Variants in GRM7 observed in about 807,000 individuals in gnomAD.
The protein encoded by GRM7 is glutamate metabotropic receptor 7, also known as metabotropic glutamate receptor 7.
In GRM7, 35 loss-of-function variants were observed where a neutral mutation model predicts 84.5. That is an observed-to-expected ratio of 0.41 (90% confidence interval 0.32 to 0.55). The LOEUF (loss-of-function observed/expected upper bound fraction) is 0.55. GRM7 is among the 20% of genes least tolerant of loss of function. The probability of loss-of-function intolerance (pLI) is 0.19; values close to 1 mark genes in which losing one functional copy is unlikely to be tolerated. For missense variants in GRM7, 1,003 were observed against 1,194.6 expected (o/e 0.84, Z 2.36); for synonymous variants, 487 against 455.1 (o/e 1.07, Z -0.89).
At chr3:7,401,597 GA>G (rs536041959) in intron 4 of GRM7, among the ~76,000 whole-genome samples, 2,836 of 149,628 alleles carry the variant, frequency 0.019, 83 homozygotes, top group African/African-American at 0.065. Flanking sequence ...AAAAAACTTT[GA>G]AAAAAAAATA....
At chr3:7,157,897 G>A (rs1225361474) in intron 2 of GRM7, among the ~76,000 whole-genome samples, 6 of 152,074 alleles carry the variant, frequency 3.9e-5, no homozygotes, top group African/African-American at 7.2e-5. Flanking sequence ...AAGCCCAGGA[G>A]AGCCAGGACT....
intron 2 of GRM7, among the ~76,000 whole-genome samples, chr3:7,203,961 G>A (rs1340002070): frequency 1.3e-5 from 2 of 152,148 alleles, no homozygotes; most frequent in African/African-American, 4.8e-5. Flanking sequence ...TCAGTTATAT[G>A]GGAACAGGTT....
intron 1 of GRM7, among the ~76,000 whole-genome samples, chr3:7,057,078 G>A (rs1196273752): frequency 1.3e-5 from 2 of 151,894 alleles, no homozygotes. Context: ...AATTAAATTA[G>A]GTTCATTTCA....
At chr3:7,602,321 CCTG>C (rs1346812728) in intron 8 of GRM7, among the ~76,000 whole-genome samples, 5 of 152,060 alleles carry the variant, frequency 3.3e-5, no homozygotes, top group African/African-American at 1.2e-4. Context: ...GGTTTTACAA[CCTG>C]TGAAATAAAG....
rs115684598 is a variant in GRM7 at position 7,148,684 on chromosome 3, G to A, written c.736+2016G>A. ...ATCTGAGTTTGCTATTATATATAAT[G>A]ACTCTTCAAAAAGGAGATGCTCTTA... On this transcript the variant is annotated intron_variant, in intron 2 of 9. Transcript: ENST00000357716. Among the ~76,000 whole-genome samples the A allele has an allele frequency of 8.0e-3, 1,212 of 152,180 alleles. 12 individuals are homozygous for A. The highest frequency in any genetic ancestry group is 0.027 in the African/African-American group (1,115 of 41,520).
chr3:7,382,804 C>A (rs542566794), intron 4 of GRM7, among the ~76,000 whole-genome samples: 1 of 152,284 alleles, frequency 6.6e-6, no homozygotes, highest in South Asian at 2.1e-4. Context: ...AGGAAGCAGA[C>A]CTTGGAGATG....
intron 2 of GRM7, among the ~76,000 whole-genome samples, chr3:7,217,772 A>G (rs1261968869): frequency 6.6e-6 from 1 of 150,860 alleles, no homozygotes; most frequent in South Asian, 2.1e-4. Flanking sequence ...ACACTGAAAG[A>G]TAACCATTGT....
chr3:7,359,224 G>GTT (rs1693554485), intron 4 of GRM7, among the ~76,000 whole-genome samples: 1 of 129,858 alleles, frequency 7.7e-6, no homozygotes, highest in African/African-American at 3.3e-5. Context: ...TTGTGTTTGT[G>GTT]TGTGTGTGTG....
In GRM7 at chr3:6,862,722, TC is replaced by T; in HGVS notation, c.519+822del. The T allele has an allele frequency of 1.2e-5, 3 of 241,372 alleles. No individual in the cohort carries two copies. The highest frequency in any genetic ancestry group is 1.4e-4 in the East Asian group (1 of 6,898). 15.0% of individuals were successfully genotyped at this position (241,372 alleles called of 1,614,324 possible). A position where few individuals can be genotyped will look rare whatever the true frequency, so the allele number is the denominator to read the frequency against. On this transcript the variant is annotated intron_variant, in intron 1 of 9. Coordinates refer to ENST00000357716, the MANE Select transcript of GRM7 (RefSeq NM_000844.4). The surrounding 1 kb of genome is among the most constrained non-coding windows in gnomAD (Gnocchi z 5.2). ...ATCGCTCTCCCTGCCTCCTCCCTCCTCCCCCCCGCCCCCCTCACCCACTATC... is the reference window on the plus strand; with the variant it reads ...ATCGCTCTCCCTGCCTCCTCCCTCCTCCCCCCGCCCCCCTCACCCACTATC...
Position 7,100,003 on chromosome 3 carries a change from C to T in GRM7, c.520-46449C>T, listed in dbSNP as rs190704321. ...TTGCATATGTACATATATAATTGCA[C>T]ATGTACATATATGTAATATACATAT... On this transcript the variant is annotated intron_variant, in intron 1 of 9. Transcript: ENST00000357716. 1.3e-3 allele frequency among the ~76,000 whole-genome samples: 192 copies of T among 147,702 alleles called. 1 individual carries two copies. The highest frequency in any genetic ancestry group is 9.3e-4 in the Non-Finnish European group (62 of 67,022).
At chr3:7,296,591 A>G (rs1026924762) in intron 2 of GRM7, among the ~76,000 whole-genome samples, 5 of 152,102 alleles carry the variant, frequency 3.3e-5, no homozygotes, top group Admixed American at 3.3e-4. Flanking sequence ...CTATGCATTC[A>G]GTTTTGGTAC....
At chr3:7,547,346 A>G (rs1575479070) in intron 7 of GRM7, among the ~76,000 whole-genome samples, 1 of 151,698 alleles carries the variant, frequency 6.6e-6, no homozygotes, top group South Asian at 2.1e-4. Flanking sequence ...AGCTGGGACT[A>G]CAGGCGCCCG....
chr3:7,597,452 C>T (rs1358500657), intron 8 of GRM7, among the ~76,000 whole-genome samples: 1 of 152,278 alleles, frequency 6.6e-6, no homozygotes, highest in South Asian at 2.1e-4. Context: ...CCATTCTTAG[C>T]TTGTAGACCA....
At chr3:6,892,082 A>G (rs944334606) in intron 1 of GRM7, among the ~76,000 whole-genome samples, 1 of 152,110 alleles carries the variant, frequency 6.6e-6, no homozygotes, top group Admixed American at 6.5e-5. Context: ...TTTCAGCTCC[A>G]TCAGCTCCTT....
intron 2 of GRM7, among the ~76,000 whole-genome samples, chr3:7,241,100 G>T (rs1459656731): frequency 6.6e-6 from 1 of 152,144 alleles, no homozygotes; most frequent in Non-Finnish European, 1.5e-5. Context: ...TGCATTAGCT[G>T]TATATGGTTG....
At chr3:7,084,428 T>C (rs184188874) in intron 1 of GRM7, among the ~76,000 whole-genome samples, 116 of 152,194 alleles carry the variant, frequency 7.6e-4, no homozygotes, top group African/African-American at 2.7e-3. Context: ...GGGTCATCAG[T>C]AGCTTGGAAG....
intron 1 of GRM7, among the ~76,000 whole-genome samples, chr3:6,935,877 G>A (rs1697674779): frequency 6.6e-6 from 1 of 151,986 alleles, no homozygotes; most frequent in Non-Finnish European, 1.5e-5. Context: ...TGTATTTTTA[G>A]TAGAGACAGG....
intron 1 of GRM7, among the ~76,000 whole-genome samples, chr3:7,002,760 G>A (rs1251479806): frequency 1.3e-5 from 2 of 152,130 alleles, no homozygotes; most frequent in African/African-American, 2.4e-5. Flanking sequence ...GGAATTGAAA[G>A]CAGTATGCTG....
intron 7 of GRM7, among the ~76,000 whole-genome samples, chr3:7,547,291 C>G (rs1227605760): frequency 1.3e-5 from 2 of 149,420 alleles, no homozygotes; most frequent in Non-Finnish European, 3.0e-5. Context: ...ACTGCAAGCT[C>G]CACCCCCCGG....
Sources: allele counts gnomAD v4.1 joint callset (sites outside exome capture counted in the v4.1 genomes callset), GRCh38; gene constraint gnomAD v4.1.1; non-coding constraint Gnocchi (gnomAD v3.1); transcripts MANE v1.5; gene names NCBI Gene and HGNC (gene_info 2026-07-23, HGNC 2026-07-21).